The following RNF123 variants were observed in gnomAD, a reference collection of about 807,000 sequenced individuals.
RNF123 encodes E3 ubiquitin-protein ligase RNF123.
Under a neutral mutation model 168.5 loss-of-function variants are expected in RNF123, and 86 were observed. That is an observed-to-expected ratio of 0.51 (90% CI 0.43 to 0.61). RNF123 has a LOEUF of 0.61. Ranked by LOEUF, RNF123 falls within the 20% of genes least tolerant of loss-of-function variation. The pLI is 0.00. For synonymous variants in RNF123, 666 were observed against 689.1 expected (o/e 0.97, Z 0.52); for missense variants, 1,419 against 1,729.7 (o/e 0.82, Z 3.19).
At position 49,721,187 on chromosome 3, in the gene RNF123, C is replaced by G; in HGVS notation, c.3827C>G (p.Ala1276Gly). ...FQPCGHKSCKACINQHLMNNK... is the reference protein window; with the variant it reads ...FQPCGHKSCKGCINQHLMNNK... ...CCTCATCCCCTCCCCTGTTGTAGAG[C>G]CTGTATCAACCAGCACCTGATGAAC... Residue 1276 changes from alanine (A) to glycine (G), a missense_variant and splice_region_variant, in exon 39 of 39, where the codon GCC becomes GGC. Around this residue, in one of 5 missense-constraint regions of RNF123, gnomAD observed 50 missense variants for 77.2 expected, o/e 0.65. Transcript: ENST00000327697. The G allele has an allele frequency of 6.2e-7, 1 of 1,614,222 alleles. No individual in the cohort carries two copies. Among genetic ancestry groups the G allele is most frequent in the African/African-American group, 1.3e-5 (1 of 75,038 alleles).
At chr3:49,712,962 G>C (rs2080172650) in intron 27 of RNF123, 1 of 702,550 alleles carries the variant, frequency 1.4e-6, no homozygotes, top group East Asian at 2.7e-5. Flanking sequence ...CCAGGAGCCA[G>C]CTGGCCTTGC....
At chr3:49,693,703 T>C (rs1157666378) in intron 3 of RNF123, among the ~76,000 whole-genome samples, 1 of 152,210 alleles carries the variant, frequency 6.6e-6, no homozygotes, top group Admixed American at 6.5e-5. Flanking sequence ...CGATAGTGAT[T>C]GCACTATTAT....
chr3:49,698,403 T>A, intron 7 of RNF123, 37 bp from the exon 8 acceptor site: 1 of 1,574,380 alleles, frequency 6.4e-7, no homozygotes, highest in South Asian at 1.1e-5. Context: ...AGACCCTGCC[T>A]GCCTCACCAG....
At chr3:49,691,845 A>G (rs1485579678) in intron 3 of RNF123, among the ~76,000 whole-genome samples, 5 of 152,332 alleles carry the variant, frequency 3.3e-5, no homozygotes, top group Middle Eastern at 3.4e-3. Context: ...GGCCCCTTGT[A>G]GCTTCTGACT....
At position 49,698,840 on chromosome 3, in the gene RNF123, A is replaced by G. The variant is rs774714569; in HGVS notation, c.638+18A>G. The G allele has an allele frequency of 2.5e-6, 4 of 1,613,584 alleles. No homozygotes were observed. Among genetic ancestry groups the G allele is most frequent in the Non-Finnish European group, 3.4e-6 (4 of 1,179,732 alleles). Reference sequence around the variant, plus strand: ...TTCTGCCTGTGAGTTTCCTATCTCTATGCACAGGCCTGGCCCCTGGGGCCT... The same window carrying G: ...TTCTGCCTGTGAGTTTCCTATCTCTGTGCACAGGCCTGGCCCCTGGGGCCT... On this transcript the variant is annotated intron_variant, in intron 9 of 38. Transcript: ENST00000327697.
chr3:49,702,695 C>T lies in RNF123; in HGVS notation c.1692C>T (p.Ala564=), dbSNP rs370096301. The change falls in exon 20 of 39, where the codon GCC becomes GCT. Residue 564 remains alanine, a synonymous_variant. Transcript: ENST00000327697. ...MVCFLHRLIS[A]LRYYWDEYKA... ...GCTTCTTACACCGGCTGATCTCTGC[C>T]CTGCGCTACTATTGGGATGAATACA... The T allele has an allele frequency of 2.2e-5, 35 of 1,614,094 alleles. 1 individual carries two copies. Among genetic ancestry groups the T allele is most frequent in the African/African-American group, 5.3e-5 (4 of 74,920 alleles).
intron 37 of RNF123, 33 bp downstream of exon 37, chr3:49,720,927 A>G: frequency 1.2e-6 from 2 of 1,611,904 alleles, no homozygotes; most frequent in Non-Finnish European, 1.7e-6. Context: ...GGTCCATGCC[A>G]CTTGAATATG....
chr3:49,701,874 GA>G lies in RNF123; in HGVS notation c.1461del (p.Glu487AspfsTer22). ...GGAGCGGCTGCGGCGGCGAGCCTAC[GA>G]ACGGGGCTGTCAGCGGCTCAGGAAG... ...AEERLRRRAY[E>X]RGCQRLRKRI... On this transcript the variant is annotated frameshift_variant, in exon 17 of 39. Coordinates refer to ENST00000327697, the MANE Select transcript of RNF123 (RefSeq NM_022064.5). LOFTEE classifies it high-confidence loss of function. The G allele has an allele frequency of 6.4e-7, 1 of 1,566,798 alleles. No homozygotes were observed. The highest frequency in any genetic ancestry group is 8.7e-7 in the Non-Finnish European group (1 of 1,155,910).
chr3:49,717,939 G>T, intron 35 of RNF123: 1 of 1,606,182 alleles, frequency 6.2e-7, no homozygotes, highest in Non-Finnish European at 8.5e-7. Flanking sequence ...GGGTGGGGGA[G>T]CCCTGGGCAG....
At chr3:49,702,208 G>A in intron 18 of RNF123, 64 bp downstream of exon 18, 3 of 1,595,554 alleles carry the variant, frequency 1.9e-6, no homozygotes, top group Non-Finnish European at 2.6e-6. Context: ...TGGGCCTTAA[G>A]ACCCAGAGGG....
Position 49,717,811 on chromosome 3 carries a change from T to TTGTG in RNF123, c.3500+1336_3500+1339dup, listed in dbSNP as rs1201108196. ...CTCTACCAGTGAGCGAGAAGGCCCA[T>TTGTG]TGTGTTTCGAGGCCCATACAGGAAG... On this transcript the variant is annotated intron_variant, in intron 35 of 38. Coordinates refer to ENST00000327697, the MANE Select transcript of RNF123 (RefSeq NM_022064.5). 2.3e-5 allele frequency: 20 copies of TTGTG among 878,382 alleles called. No individual in the cohort carries two copies. The East Asian group carries it at 5.1e-4, about 22-fold the overall frequency. The allele number at this position is 878,382 out of a possible 1,614,324, so 54.4% of individuals were successfully genotyped here.
intron 15 of RNF123, 71 bp from the exon 16 acceptor site, chr3:49,701,420 C>T: frequency 8.2e-7 from 1 of 1,217,698 alleles, no homozygotes; most frequent in South Asian, 1.2e-5. Flanking sequence ...GGGATGGGCT[C>T]CTGGGGAAGG....
chr3:49,705,391 C>T (rs1264809609), intron 23 of RNF123, 143 bp from the exon 24 acceptor site: 6 of 1,305,540 alleles, frequency 4.6e-6, no homozygotes, highest in South Asian at 1.5e-5. Flanking sequence ...GCACTCCACC[C>T]CTACCCCCAT....
At position 49,701,921 on chromosome 3, in the gene RNF123, C is replaced by T. The variant is rs760960072; in HGVS notation, c.1495+11C>T. 5 of 1,559,118 alleles carry T rather than the reference C, an allele frequency of 3.2e-6. No homozygotes were observed. In the South Asian group the frequency reaches 4.7e-5, roughly 15 times the overall value. On this transcript the variant is annotated intron_variant, in intron 17 of 38. Transcript: ENST00000327697. ...GGAAGCGCATCGAAGGTCAGCCCGC[C>T]TTGGGCACGGGGTAGGGTGGGAGGT... is the stretch of plus-strand genomic sequence containing the variant.
rs1321685280 is a variant in RNF123 at position 49,700,546 on chromosome 3, C to T, written c.1185C>T (p.Val395=). Residue 395 remains valine (V), a synonymous_variant, in exon 14 of 39, where the codon GTC becomes GTT. Transcript: ENST00000327697. ...GGCTGTACCGATTCTCACCCATTGT[C>T]CCAGACCTGGGCCTACAGGTGGGAG... ...LLRLYRFSPI[V]PDLGLQIHYL... 2 of 1,614,092 alleles carry T rather than the reference C, an allele frequency of 1.2e-6. No homozygotes were observed. Among genetic ancestry groups the T allele is most frequent in the South Asian group, 1.1e-5 (1 of 91,090 alleles).
intron 24 of RNF123, 146 bp downstream of exon 24, chr3:49,705,825 C>T: frequency 6.2e-6 from 9 of 1,449,094 alleles, no homozygotes; most frequent in Non-Finnish European, 8.5e-6. Context: ...GGTTTCTGCT[C>T]CTGCTGCCTC....
Position 49,713,756 on chromosome 3 carries a change from T to C in RNF123, c.2768T>C (p.Met923Thr). The C allele has an allele frequency of 6.2e-7, 1 of 1,606,382 alleles. No homozygotes were observed. Among genetic ancestry groups the C allele is most frequent in the South Asian group, 1.1e-5 (1 of 89,962 alleles). The change falls in exon 29 of 39, where the codon ATG becomes ACG. Residue 923 changes from methionine (M) to threonine (T), a missense_variant. By Grantham distance (81) the Met-to-Thr change is moderately conservative. Around this residue, in one of 5 missense-constraint regions of RNF123, gnomAD observed 538 missense variants for 708.8 expected, o/e 0.76. Transcript: ENST00000327697. ...IVGTDIRDSL[M>T]QALASYVCYP... ...CCCGCAGACATCCGAGACTCACTGA[T>C]GCAGGCCCTGGCCAGCTACGTGTGC...
chr3:49,698,956 T>C, intron 9 of RNF123, 24 bp from the exon 10 acceptor site: 1 of 1,613,074 alleles, frequency 6.2e-7, no homozygotes, highest in Non-Finnish European at 8.5e-7. Flanking sequence ...TAGCACTGGC[T>C]CACAGACCCA....
intron 26 of RNF123, 147 bp from the exon 27 acceptor site, chr3:49,712,332 C>T: frequency 6.9e-6 from 5 of 723,906 alleles, no homozygotes; most frequent in Non-Finnish European, 1.1e-5. Flanking sequence ...GATTGCCCTG[C>T]TTGAGCTACT....
Sources: allele counts gnomAD v4.1 joint callset (sites outside exome capture counted in the v4.1 genomes callset), GRCh38; gene constraint gnomAD v4.1.1; regional missense constraint gnomAD v4.1.1; transcripts MANE v1.5; gene names NCBI Gene and HGNC (gene_info 2026-07-23, HGNC 2026-07-21).